KIF5B: variants seen among roughly 807,000 people sequenced by gnomAD.
KIF5B encodes the protein kinesin family member 5B.
Under a neutral mutation model 132.8 loss-of-function variants are expected in KIF5B, and 49 were observed. The observed-to-expected ratio is 0.37, with a 90% CI of 0.29 to 0.47. The LOEUF is 0.47. Among genes scored for constraint, KIF5B ranks in the 20% least tolerant of loss-of-function variants. The pLI is 1.00. For missense variants in KIF5B, 780 were observed against 1,144.0 expected (o/e 0.68, Z 4.59); for synonymous variants, 355 against 369.4 (o/e 0.96, Z 0.45).
chr10:32,040,310 G>T, intron 3 of KIF5B, 74 bp downstream of exon 3: 1 of 886,336 alleles, frequency 1.1e-6, no homozygotes, highest in Non-Finnish European at 1.9e-6. Context: ...TTTATGCATG[G>T]TGAAATAATA....
intron 12 of KIF5B, 44 bp from the exon 13 acceptor site, chr10:32,032,818 G>A (rs1374449889): frequency 1.1e-5 from 16 of 1,428,366 alleles, no homozygotes; most frequent in Non-Finnish European, 1.6e-5. Context: ...TAACAACCTG[G>A]TTCTAGTTGT....
intron 1 of KIF5B, among the ~76,000 whole-genome samples, chr10:32,050,066 T>C (rs1265333203): frequency 2.6e-5 from 4 of 152,070 alleles, no homozygotes; most frequent in Non-Finnish European, 5.9e-5. Flanking sequence ...CTGCCTGCTC[T>C]CTAGTTTCTC....
chr10:32,014,454 G>A (rs1207963535), intron 25 of KIF5B, among the ~76,000 whole-genome samples: 1 of 152,048 alleles, frequency 6.6e-6, no homozygotes, highest in Non-Finnish European at 1.5e-5. Flanking sequence ...AGCAGGCTCC[G>A]AAGCAGCATA....
chr10:32,053,900 A>G (rs1210084118), intron 1 of KIF5B, among the ~76,000 whole-genome samples: 1 of 152,216 alleles, frequency 6.6e-6, no homozygotes, highest in East Asian at 1.9e-4. Context: ...AACGGAACTT[A>G]TAAGCAACTT....
intron 24 of KIF5B, 60 bp from the exon 25 acceptor site, chr10:32,015,719 G>T: frequency 2.9e-6 from 4 of 1,373,014 alleles, no homozygotes; most frequent in Non-Finnish European, 4.0e-6. Flanking sequence ...TGCAATGACT[G>T]TTAAGGTTTC....
At position 32,034,056 on chromosome 10, in the gene KIF5B, A is replaced by G; in HGVS notation, c.1112-18T>C. ...CGTCTCCCCTAAAATAAGAAAATAA[A>G]GTGGTTAATAAAAAAACGACGTCTA... On this transcript the variant is annotated intron_variant, in intron 11 of 25. Coordinates refer to ENST00000302418, the MANE Select transcript of KIF5B (RefSeq NM_004521.3). The G allele has an allele frequency of 1.3e-6, 2 of 1,483,540 alleles. No individual in the cohort carries two copies. The highest frequency in any genetic ancestry group is 1.8e-6 in the Non-Finnish European group (2 of 1,105,372). The allele number at this position is 1,483,540 out of a possible 1,614,324, so 91.9% of individuals were successfully genotyped here. A position where few individuals can be genotyped will look rare whatever the true frequency, so the allele number is the denominator to read the frequency against.
Position 32,031,202 on chromosome 10 carries a change from A to G in KIF5B, c.1452T>C (p.Ser484=). ...LNRLQAENDA[S]KEEVKEVLQA... is the part of the protein sequence containing the mutation. ...GTAAAACTTCTTTCACTTCTTCTTT[A>G]GAGGCATCATTTTCTGCTTGAAGGC... is the stretch of plus-strand genomic sequence containing the variant. The change falls in exon 14 of 26, where the codon TCT becomes TCC. Residue 484 remains serine (S), a synonymous_variant. Transcript: ENST00000302418. The G allele has an allele frequency of 6.2e-7, 1 of 1,614,026 alleles. No individual in the cohort carries two copies. The highest frequency in any genetic ancestry group is 8.5e-7 in the Non-Finnish European group (1 of 1,179,958).
chr10:32,011,677 A>G (rs1188730315), intron 25 of KIF5B, among the ~76,000 whole-genome samples, 161 bp from the exon 26 acceptor site: 1 of 152,190 alleles, frequency 6.6e-6, no homozygotes, highest in Non-Finnish European at 1.5e-5. Flanking sequence ...AAGGATGGCA[A>G]TATTAAATGA....
chr10:32,046,484 A>T (rs976235560), intron 2 of KIF5B, among the ~76,000 whole-genome samples: 5 of 152,192 alleles, frequency 3.3e-5, no homozygotes, highest in Admixed American at 1.3e-4. Flanking sequence ...TGTTGTAATA[A>T]AACAGTACTG....
intron 25 of KIF5B, 98 bp downstream of exon 25, chr10:32,015,411 A>G (rs1469725134): frequency 1.1e-6 from 1 of 887,658 alleles, no homozygotes. Context: ...AGTTAAAAAA[A>G]TCATAACACT....
chr10:32,031,985 G>C (rs563702071), intron 13 of KIF5B, among the ~76,000 whole-genome samples: 65 of 150,566 alleles, frequency 4.3e-4, no homozygotes, highest in Non-Finnish European at 8.1e-4. Flanking sequence ...GGGAACAAGA[G>C]CAAGACTTCG....
At chr10:32,017,874 T>C (rs78307288) in intron 23 of KIF5B, among the ~76,000 whole-genome samples, 178 bp downstream of exon 23, 15,159 of 152,298 alleles carry the variant, frequency 0.1, 846 homozygotes, top group Middle Eastern at 0.14. Context: ...GATAATAACG[T>C]TGTTAAAAAT....
intron 14 of KIF5B, among the ~76,000 whole-genome samples, chr10:32,028,913 C>A (rs1196218913): frequency 6.6e-6 from 1 of 152,120 alleles, no homozygotes; most frequent in African/African-American, 2.4e-5. Flanking sequence ...TATATTATGT[C>A]TTATCTTTAG....
In KIF5B at chr10:32,018,123, T is replaced by C; in HGVS notation, c.2473A>G (p.Ser825Gly). 6.2e-7 allele frequency: 1 copy of C among 1,611,338 alleles called. No homozygotes were observed. ...GAGATTTTTTGCTTCTGAGCAGCGC[T>C]GCCTCCGGTGTCATCAGAATCAATC... Reference protein sequence around the residue: ...AEIDSDDTGGSAAQKQKISFL... With the variant: ...AEIDSDDTGGGAAQKQKISFL... Residue 825 changes from serine (S) to glycine (G), a missense_variant, in exon 23 of 26, where the codon AGC (serine) becomes GGC (glycine). Ser to Gly is a moderately conservative substitution (Grantham distance 56). Coordinates refer to ENST00000302418, the MANE Select transcript of KIF5B (RefSeq NM_004521.3).
rs1216716279 is a variant in KIF5B, at chr10:32,018,391, G to A, written c.2368-4C>T. 1.9e-5 allele frequency: 29 copies of A among 1,550,052 alleles called. No individual in the cohort carries two copies. Among genetic ancestry groups the A allele is most frequent in the Non-Finnish European group, 2.4e-5 (28 of 1,153,852 alleles). ...GTAAAGTCTGAAGTTCTTTTGCCTTGGATTAAGAACAGCGATATTTTTGGA... is the reference window on the plus strand; with the variant it reads ...GTAAAGTCTGAAGTTCTTTTGCCTTAGATTAAGAACAGCGATATTTTTGGA... On this transcript the variant is annotated splice_polypyrimidine_tract_variant and splice_region_variant and intron_variant, in intron 21 of 25. Coordinates refer to ENST00000302418, the MANE Select transcript of KIF5B (RefSeq NM_004521.3).
Position 32,055,596 on chromosome 10 carries a change from G to T in KIF5B, c.126+252C>A, listed in dbSNP as rs536202656. On this transcript the variant is annotated intron_variant, in intron 1 of 25. Coordinates refer to ENST00000302418, the MANE Select transcript of KIF5B (RefSeq NM_004521.3). ...CGGACGTTCCTCCATTGCCCCAGGT[G>T]GGGGAGTGTCCAGGGCTGAGGCTGG... 2.6e-5 allele frequency among the ~76,000 whole-genome samples: 4 copies of T among 152,286 alleles called. No homozygotes were observed. The East Asian group carries it at 5.8e-4, about 22-fold the overall frequency.
chr10:32,037,371 A>G lies in KIF5B; in HGVS notation c.594T>C (p.Asn198=), dbSNP rs1318605430. The change falls in exon 8 of 26, where the codon AAT becomes AAC. Residue 198 remains asparagine, a synonymous_variant. Transcript: ENST00000302418. ...TACTGTGACTCCTAGAGCTATGTTC[A>G]TTCATATCTGCAAGGAAATTACACA... ...SNRHVAVTNM[N]EHSSRSHSIF... The G allele has an allele frequency of 3.7e-6, 6 of 1,610,762 alleles. No individual in the cohort carries two copies. The African/African-American group carries it at 4.0e-5, about 11-fold the overall frequency.
At chr10:32,050,090 AG>A (rs1327467435) in intron 1 of KIF5B, among the ~76,000 whole-genome samples, 4 of 152,178 alleles carry the variant, frequency 2.6e-5, no homozygotes, top group Non-Finnish European at 5.9e-5. Flanking sequence ...AAGGAAAGGA[AG>A]GAAGTTGGGC....
Position 32,019,947 on chromosome 10 carries a change from T to C in KIF5B, c.2217A>G (p.Lys739=). ...LITDLQDQNQ[K]MMLEQERLRV... ...TTAGACGTTCCTGCTCTAACATCATTTTCTGGTTTTGGCTGACGAAAGAAA... is the reference window on the plus strand; with the variant it reads ...TTAGACGTTCCTGCTCTAACATCATCTTCTGGTTTTGGCTGACGAAAGAAA... Residue 739 remains lysine (K), a synonymous_variant, in exon 20 of 26, where the codon AAA becomes AAG. Transcript: ENST00000302418. 1.2e-6 allele frequency: 2 copies of C among 1,607,780 alleles called. No individual in the cohort carries two copies. Among genetic ancestry groups the C allele is most frequent in the Non-Finnish European group, 1.7e-6 (2 of 1,178,060 alleles).
Sources: gnomAD v4.1 joint callset for allele counts (sites outside exome capture counted in the v4.1 genomes callset) on GRCh38, gnomAD v4.1.1 for gene constraint, MANE v1.5 for transcripts, NCBI Gene and HGNC (gene_info 2026-07-23, HGNC 2026-07-21) for gene names.